UNC5A: variants seen among roughly 807,000 people sequenced by gnomAD.
The protein encoded by UNC5A is unc-5 netrin receptor A.
A neutral mutation model predicts 87.4 loss-of-function variants in UNC5A; 20 were observed. That is an observed-to-expected ratio of 0.23 (90% confidence interval 0.16 to 0.33). The LOEUF (loss-of-function observed/expected upper bound fraction) is 0.33. Among genes scored for constraint, UNC5A ranks in the 10% least tolerant of loss-of-function variants. The pLI, the probability that UNC5A is intolerant of heterozygous loss-of-function variation, is 1.00. For synonymous variants in UNC5A, 438 were observed against 482.3 expected (o/e 0.91, Z 1.20); for missense variants, 844 against 1,133.4 (o/e 0.74, Z 3.67).
chr5:176,851,300 G>A (rs1411314427), intron 1 of UNC5A, among the ~76,000 whole-genome samples: 4 of 152,178 alleles, frequency 2.6e-5, no homozygotes, highest in South Asian at 2.1e-4. Context: ...TGTGGGTGCC[G>A]TGACGGCTGT....
chr5:176,879,345 T>C lies in UNC5A; in HGVS notation c.2220T>C (p.Ser740=). Reference sequence around the variant, plus strand: ...TTGCTGAGCTGCTGGCTCTGGAGAGTGAAGCGGGGGTCCCAGCCCTGGTGG... The same window carrying C: ...TTGCTGAGCTGCTGGCTCTGGAGAGCGAAGCGGGGGTCCCAGCCCTGGTGG... ...TRFAELLALE[S]EAGVPALVGP... Residue 740 remains serine (S), a synonymous_variant, in exon 14 of 15, where the codon AGT becomes AGC. Transcript: ENST00000329542. 1 of 1,610,326 alleles carries C rather than the reference T, an allele frequency of 6.2e-7. No homozygotes were observed. Among genetic ancestry groups the C allele is most frequent in the East Asian group, 2.2e-5 (1 of 44,732 alleles).
intron 1 of UNC5A, among the ~76,000 whole-genome samples, chr5:176,828,418 G>A (rs1756906919): frequency 6.6e-6 from 1 of 152,112 alleles, no homozygotes; most frequent in East Asian, 1.9e-4. Flanking sequence ...TGCCCACCCT[G>A]CGCTTCCTGG....
At chr5:176,811,927 T>C (rs1756466230) in intron 1 of UNC5A, among the ~76,000 whole-genome samples, 2 of 152,098 alleles carry the variant, frequency 1.3e-5, no homozygotes, top group South Asian at 4.1e-4. Flanking sequence ...CAGAGATCAA[T>C]GAGTGGGAGC....
intron 1 of UNC5A, among the ~76,000 whole-genome samples, chr5:176,846,007 G>A (rs1031523060): frequency 3.3e-4 from 50 of 152,356 alleles, no homozygotes; most frequent in African/African-American, 1.1e-3. Flanking sequence ...AGGAGAAAAG[G>A]AGGTGGAAGG....
chr5:176,878,443 C>T, intron 12 of UNC5A, 32 bp from the exon 13 acceptor site: 1 of 1,611,612 alleles, frequency 6.2e-7, no homozygotes, highest in Non-Finnish European at 8.5e-7. Flanking sequence ...AGCTTGGGCT[C>T]ACCTGACACC....
chr5:176,811,047 C>T (rs540634054), intron 1 of UNC5A, among the ~76,000 whole-genome samples: 1 of 152,268 alleles, frequency 6.6e-6, no homozygotes, highest in South Asian at 2.1e-4. Context: ...TGTCAGCCCG[C>T]GGGGCTGGCG....
chr5:176,839,150 C>T (rs529628522), intron 1 of UNC5A, among the ~76,000 whole-genome samples: 8 of 152,338 alleles, frequency 5.3e-5, no homozygotes, highest in African/African-American at 9.6e-5. Context: ...CTCTCAAAGG[C>T]GACTGCCTCC....
chr5:176,858,425 A>T (rs182763731), intron 1 of UNC5A, among the ~76,000 whole-genome samples: 2 of 152,294 alleles, frequency 1.3e-5, no homozygotes, highest in East Asian at 3.9e-4. Flanking sequence ...GGAGGGATCC[A>T]TGGGTGTCTC....
Position 176,875,792 on chromosome 5 carries a change from G to A in UNC5A, c.1378+1226G>A, listed in dbSNP as rs759676000. ...CATGGACTCAACATCCCCGACACACGGTGCTGCCCTCTGCATGCACCGACC... is the reference window on the plus strand; with the variant it reads ...CATGGACTCAACATCCCCGACACACAGTGCTGCCCTCTGCATGCACCGACC... On this transcript the variant is annotated intron_variant, in intron 8 of 14. Coordinates refer to ENST00000329542, the MANE Select transcript of UNC5A (RefSeq NM_133369.3). This position sits in a 1 kb window ranked among gnomAD's most constrained non-coding sequence, Gnocchi z 5.2. Among the ~76,000 whole-genome samples, 1 of 151,888 alleles carries A rather than the reference G, an allele frequency of 6.6e-6. No individual in the cohort carries two copies. Among genetic ancestry groups the A allele is most frequent in the Non-Finnish European group, 1.5e-5 (1 of 67,988 alleles).
intron 2 of UNC5A, among the ~76,000 whole-genome samples, chr5:176,867,753 C>T (rs1380435125): frequency 6.6e-6 from 1 of 152,156 alleles, no homozygotes; most frequent in Non-Finnish European, 1.5e-5. Flanking sequence ...CCTGTCTGCC[C>T]CACCCCTTCT....
Position 176,873,611 on chromosome 5 carries a change from C to G in UNC5A, c.887-357C>G, listed in dbSNP as rs560043312. Among the ~76,000 whole-genome samples the G allele has an allele frequency of 8.8e-4, 134 of 152,284 alleles. 2 individuals are homozygous for G. The highest frequency in any genetic ancestry group is 2.9e-3 in the African/African-American group (121 of 41,552). ...GGATCCCAGGAGTTCACCCCCAGCC[C>G]AAGCTGCCCTTGTCCCAGAAGAGCA... On this transcript the variant is annotated intron_variant, in intron 6 of 14. Transcript: ENST00000329542.
chr5:176,812,026 C>T (rs138576494), intron 1 of UNC5A, among the ~76,000 whole-genome samples: 9 of 152,212 alleles, frequency 5.9e-5, no homozygotes, highest in East Asian at 5.8e-4. Context: ...ACTGCCTGAC[C>T]GCCCGCCCCA....
chr5:176,874,014 C>A lies in UNC5A; in HGVS notation c.933C>A (p.Ala311=). The A allele has an allele frequency of 6.2e-7, 1 of 1,614,020 alleles. No homozygotes were observed. Among genetic ancestry groups the A allele is most frequent in the Non-Finnish European group, 8.5e-7 (1 of 1,179,974 alleles). The change falls in exon 7 of 15, where the codon GCC becomes GCA. Residue 311 remains alanine (A), a synonymous_variant. Transcript: ENST00000329542. This position sits in a 1 kb window ranked among gnomAD's most constrained non-coding sequence, Gnocchi z 7.6. ...TGGCCCTCTATGTGGGCCTCATCGC[C>A]GTGGCCGTCTGCCTGGTCCTGCTGC... The part of the protein sequence containing the change: ...EDVALYVGLI[A]VAVCLVLLLL...
chr5:176,813,400 C>A (rs1262625890), intron 1 of UNC5A, among the ~76,000 whole-genome samples: 1 of 152,220 alleles, frequency 6.6e-6, no homozygotes, highest in Non-Finnish European at 1.5e-5. Context: ...TAGGGCTAAC[C>A]TAGGACTCGT....
In UNC5A at chr5:176,865,755, C is replaced by A; in HGVS notation, c.293-2375C>A. 2.2e-6 allele frequency: 1 copy of A among 445,762 alleles called. No homozygotes were observed. Among genetic ancestry groups the A allele is most frequent in the Non-Finnish European group, 4.5e-6 (1 of 220,676 alleles). The allele number at this position is 445,762 out of a possible 1,614,324, so 27.6% of individuals were successfully genotyped here. ...GGGCTCGGAGGCCCACCCAGCTCTG[C>A]AGCCCACTCATTCATGTGTGGGGCT... On this transcript the variant is annotated intron_variant, in intron 2 of 14. Transcript: ENST00000329542. The surrounding 1 kb of genome is among the most constrained non-coding windows in gnomAD (Gnocchi z 5.3).
chr5:176,811,750 G>A (rs1756461705), intron 1 of UNC5A, among the ~76,000 whole-genome samples: 1 of 152,090 alleles, frequency 6.6e-6, no homozygotes, highest in African/African-American at 2.4e-5. Flanking sequence ...GGTGGGGGGT[G>A]GGTGCCATTT....
intron 1 of UNC5A, among the ~76,000 whole-genome samples, chr5:176,856,946 A>AG (rs1757681421): frequency 6.6e-6 from 1 of 152,142 alleles, no homozygotes; most frequent in Non-Finnish European, 1.5e-5. Flanking sequence ...CACTCTGCCC[A>AG]GGCCACACTG....
chr5:176,825,121 G>A (rs1250059194), intron 1 of UNC5A, among the ~76,000 whole-genome samples: 1 of 152,220 alleles, frequency 6.6e-6, no homozygotes, highest in African/African-American at 2.4e-5. Flanking sequence ...TGGAAACTGG[G>A]AGTGGCACTT....
chr5:176,847,133 C>G (rs912506614), intron 1 of UNC5A, among the ~76,000 whole-genome samples: 4 of 152,196 alleles, frequency 2.6e-5, no homozygotes, highest in Non-Finnish European at 5.9e-5. Context: ...GCCTCACCCC[C>G]GTTCGTTGAA....
Sources: allele counts gnomAD v4.1 joint callset (sites outside exome capture counted in the v4.1 genomes callset), GRCh38; gene constraint gnomAD v4.1.1; non-coding constraint Gnocchi (gnomAD v3.1); transcripts MANE v1.5; gene names NCBI Gene and HGNC (gene_info 2026-07-23, HGNC 2026-07-21).